The following CDH26 variants were observed in gnomAD, a reference collection of about 807,000 sequenced individuals.
CDH26 encodes the protein cadherin-like protein 26.
Under a neutral mutation model 90.3 loss-of-function variants are expected in CDH26, and 83 were observed. The observed-to-expected ratio is 0.92, with a 90% confidence interval of 0.77 to 1.10. CDH26 has a LOEUF of 1.10. Ranked by LOEUF, CDH26 falls within the 50% of genes least tolerant of loss-of-function variation. CDH26 has a pLI of 0.00. For missense variants in CDH26, 1,013 were observed against 1,037.6 expected, an observed-to-expected ratio of 0.98 and a Z score of 0.33; for synonymous variants, 397 against 396.3, an observed-to-expected ratio of 1.00 and a Z score of -0.02.
chr20:60,001,215 C>G, intron 14 of CDH26, 128 bp from the exon 15 acceptor site: 1 of 1,111,852 alleles, frequency 9.0e-7, no homozygotes. Flanking sequence ...TCCCTCTCAT[C>G]GTGTTAATTT....
At chr20:60,020,857 A>T (rs2061946279) in intron 7 of CDH26, among the ~76,000 whole-genome samples, 1 of 152,152 alleles carries the variant, frequency 6.6e-6, no homozygotes, top group African/African-American at 2.4e-5. Flanking sequence ...GGAGTCTTGT[A>T]TGTAAGGACT....
intron 6 of CDH26, 68 bp downstream of exon 6, chr20:59,984,873 T>C: frequency 6.4e-7 from 1 of 1,567,128 alleles, no homozygotes; most frequent in East Asian, 2.3e-5. Context: ...AGGCTTAGAT[T>C]CTACATTTGT....
At chr20:60,033,325 G>A (rs2062058333) in intron 8 of CDH26, among the ~76,000 whole-genome samples, 1 of 152,238 alleles carries the variant, frequency 6.6e-6, no homozygotes, top group South Asian at 2.1e-4. Flanking sequence ...ATCTGAAGCT[G>A]TGGGTTATTG....
chr20:60,011,765 G>A (rs891286709), intron 17 of CDH26, among the ~76,000 whole-genome samples: 3 of 152,148 alleles, frequency 2.0e-5, no homozygotes, highest in Non-Finnish European at 4.4e-5. Context: ...AGGGAGGGAC[G>A]TGGGAGGAGG....
Position 60,012,779 on chromosome 20 carries a change from A to G in CDH26, c.*49A>G, listed in dbSNP as rs77273620. 160 of 1,569,670 alleles carry G rather than the reference A, an allele frequency of 1.0e-4. No homozygotes were observed. The East Asian group carries it at 3.5e-3, about 34-fold the overall frequency. ...TTGAAATAATTCATGGAAGGGAATC[A>G]CTATTCAGGGATTTTTCCCCTTTGC... On this transcript the variant is annotated 3_prime_UTR_variant, in exon 18 of 18. Coordinates refer to ENST00000348616, the MANE Select transcript of CDH26 (RefSeq NM_177980.4).
At chr20:59,960,475 C>A (rs1049050460) in intron 1 of CDH26, among the ~76,000 whole-genome samples, 1 of 152,092 alleles carries the variant, frequency 6.6e-6, no homozygotes, top group Non-Finnish European at 1.5e-5. Context: ...GGGGTTCTCA[C>A]ATTTGTAGGC....
intron 4 of CDH26, among the ~76,000 whole-genome samples, chr20:59,976,654 A>G (rs764232876): frequency 7.8e-4 from 119 of 152,172 alleles, no homozygotes; most frequent in Non-Finnish European, 1.6e-3. Context: ...TTAAAAATGT[A>G]TGCTGGAGTC....
In CDH26 at chr20:59,967,999, CT is replaced by C. The variant is rs1569024924; in HGVS notation, c.70-965del. Among the ~76,000 whole-genome samples, 22 of 117,740 alleles carry C rather than the reference CT, an allele frequency of 1.9e-4. No individual in the cohort carries two copies. In the East Asian group the frequency reaches 2.6e-3, roughly 14 times the overall value. 77.2% of individuals were successfully genotyped at this position (117,740 alleles called of 152,430 possible). ...TCTTTCTTTCTTTCTTTCTTTCTTT[CT>C]TTCTTTCTTTCTTCCTTTCTCTCTG... is the stretch of plus-strand genomic sequence containing the variant. On this transcript the variant is annotated intron_variant, in intron 1 of 17. Coordinates refer to ENST00000348616, the MANE Select transcript of CDH26 (RefSeq NM_177980.4).
At chr20:60,021,140 A>G (rs1482296603) in intron 7 of CDH26, among the ~76,000 whole-genome samples, 2 of 152,302 alleles carry the variant, frequency 1.3e-5, no homozygotes, top group East Asian at 3.9e-4. Flanking sequence ...GGGGTCTGGG[A>G]GAGCACCAGA....
intron 5 of CDH26, 117 bp from the exon 6 acceptor site, chr20:59,984,522 A>G: frequency 2.9e-6 from 2 of 700,678 alleles, no homozygotes; most frequent in African/African-American, 1.8e-5. Context: ...TTTTATATTT[A>G]AACATTCCAC....
intron 1 of CDH26, among the ~76,000 whole-genome samples, chr20:59,967,861 CTTTCTTTCTT>C (rs2061177893): frequency 2.8e-5 from 3 of 108,092 alleles, no homozygotes; most frequent in African/African-American, 1.5e-4. Flanking sequence ...TTCTTTCTTT[CTTTCTTTCTT>C]TCTTTCTTCC....
At chr20:60,017,412 T>A (rs1601217606), downstream of CDH26, among the ~76,000 whole-genome samples, 1 of 152,092 alleles carries the variant, frequency 6.6e-6, no homozygotes, top group South Asian at 2.1e-4. Flanking sequence ...TTGTTCACAG[T>A]AATTAATAAT....
At chr20:59,966,448 A>G (rs998000921) in intron 1 of CDH26, among the ~76,000 whole-genome samples, 3 of 152,180 alleles carry the variant, frequency 2.0e-5, no homozygotes, top group Admixed American at 6.5e-5. Context: ...TGAGTTCTCA[A>G]GCGATTACAG....
rs1189904888 is a variant in CDH26, at chr20:59,990,879, C to CT, written c.1284-1491dup. On this transcript the variant is annotated intron_variant, in intron 9 of 17. Coordinates refer to ENST00000348616, the MANE Select transcript of CDH26 (RefSeq NM_177980.4). ...ACAATTTCTTTTCTTTTTTTTTTTT[C>CT]TTTTTTTTGAGATGGAGTCTCTCTC... Among the ~76,000 whole-genome samples, 501 of 141,008 alleles carry CT rather than the reference C, an allele frequency of 3.6e-3. 5 individuals carry two copies. Among genetic ancestry groups the CT allele is most frequent in the Middle Eastern group, 7.4e-3 (2 of 272 alleles). 92.5% of individuals were successfully genotyped at this position (141,008 alleles called of 152,430 possible). A position where few individuals can be genotyped will look rare whatever the true frequency, so the allele number is the denominator to read the frequency against.
In CDH26 at chr20:60,012,577, C is replaced by G; in HGVS notation, c.2346C>G (p.His782Gln). 6.2e-7 allele frequency: 1 copy of G among 1,614,134 alleles called. No homozygotes were observed. Among genetic ancestry groups the G allele is most frequent in the Non-Finnish European group, 8.5e-7 (1 of 1,180,008 alleles). The change falls in exon 18 of 18, where the codon CAC becomes CAG. Residue 782 changes from histidine to glutamine, a missense_variant. His to Gln is a conservative substitution (Grantham distance 24). Transcript: ENST00000348616. ...VLEDDPGYLP[H>Q]VYSEEGECGG... ...AAGATGACCCCGGCTACCTACCTCA[C>G]GTCTACAGCGAGGAAGGGGAGTGTG...
At chr20:59,963,112 TGTGA>T (rs1045534893) in intron 1 of CDH26, among the ~76,000 whole-genome samples, 6 of 152,118 alleles carry the variant, frequency 3.9e-5, no homozygotes, top group African/African-American at 1.4e-4. Context: ...ATTGGGCTGT[TGTGA>T]GGATCAAATA....
chr20:59,989,412 C>CA (rs1374702428), intron 9 of CDH26, among the ~76,000 whole-genome samples: 7 of 151,422 alleles, frequency 4.6e-5, no homozygotes, highest in Non-Finnish European at 7.4e-5. Flanking sequence ...CCTGTAGTCC[C>CA]AGCTACTCGG....
intron 13 of CDH26, among the ~76,000 whole-genome samples, chr20:59,999,112 T>C (rs1223444733): frequency 1.3e-5 from 2 of 152,204 alleles, no homozygotes; most frequent in Non-Finnish European, 2.9e-5. Flanking sequence ...CATAGATGCC[T>C]TCCCTGCATG....
rs1191218438 is a variant in CDH26 at position 59,996,043 on chromosome 20, T to C, written c.1877T>C (p.Val626Ala). The change falls in exon 12 of 18, where the codon GTG becomes GCG. Residue 626 changes from valine (V) to alanine (A), a missense_variant. By Grantham distance (64) the Val-to-Ala change is moderately conservative. Transcript: ENST00000348616. ...CTGTTCCCTGTCTGTGCAGCATTTG[T>C]GGCTCTGGCAGGTCAGTGGTCTGTA... ...GALFPVCAAF[V>A]ALAVALLFLL... The C allele has an allele frequency of 1.4e-5, 23 of 1,612,874 alleles. No individual in the cohort carries two copies. The highest frequency in any genetic ancestry group is 1.9e-5 in the Non-Finnish European group (23 of 1,179,990).
Sources: allele counts gnomAD v4.1 joint callset (sites outside exome capture counted in the v4.1 genomes callset), GRCh38; gene constraint gnomAD v4.1.1; transcripts MANE v1.5; gene names NCBI Gene and HGNC (gene_info 2026-07-23, HGNC 2026-07-21).